DNAAF8: variants seen among roughly 807,000 people sequenced by gnomAD.
The protein encoded by DNAAF8 is dynein axonemal assembly factor 8, also known as dynein axonemal-associated protein 1.
DNAAF8 carries 61 observed loss-of-function variants against 54.6 expected under a neutral mutation model. The ratio of observed to expected loss-of-function variants is 1.12; its 90% confidence interval spans 0.91 to 1.38. DNAAF8 has a LOEUF of 1.38. Among genes scored for constraint, DNAAF8 ranks in the 40% most tolerant of loss-of-function variants. The pLI, the probability that DNAAF8 is intolerant of heterozygous loss-of-function variation, is 0.00. For synonymous variants in DNAAF8, 320 were observed against 270.1 expected (o/e 1.18, Z -1.81); for missense variants, 837 against 665.0 (o/e 1.26, Z -2.85).
chr16:4,746,515 C>T lies in DNAAF8; in HGVS notation c.1181+3C>T. 1 of 1,612,662 alleles carries T rather than the reference C, an allele frequency of 6.2e-7. No individual in the cohort carries two copies. The highest frequency in any genetic ancestry group is 8.5e-7 in the Non-Finnish European group (1 of 1,179,528). ...CCAGACCACCTGTCCCCAGAAAGGT[C>T]CGGAGGGCAGTGACTACCCCATACC... On this transcript the variant is annotated splice_donor_region_variant and intron_variant, in intron 7 of 9. Transcript: ENST00000299320.
chr16:4,735,035 A>T (rs977544035), intron 1 of DNAAF8: 1 of 152,214 alleles, frequency 6.6e-6, no homozygotes, highest in Admixed American at 6.5e-5. Flanking sequence ...GAGCTCCTCA[A>T]CTTGGCGTTC....
rs1391247149 is a variant in DNAAF8, at chr16:4,740,567, A to C, written c.691A>C (p.Lys231Gln). ...GACCAGCAGTGACAAAGGTGGGGTG[A>C]AGGAGGCGCCCTGCCACGCTGCGGA... ...GPTSSDKGGVKEAPCHAAESA... is the reference protein window; with the variant it reads ...GPTSSDKGGVQEAPCHAAESA... Residue 231 changes from lysine to glutamine, a missense_variant, in exon 4 of 10, where the codon AAG becomes CAG. Lys to Gln is a moderately conservative substitution (Grantham distance 53, BLOSUM62 1). Coordinates refer to ENST00000299320, the MANE Select transcript of DNAAF8 (RefSeq NM_139170.3). 6.2e-7 allele frequency: 1 copy of C among 1,613,850 alleles called. No individual in the cohort carries two copies. Among genetic ancestry groups the C allele is most frequent in the African/African-American group, 1.3e-5 (1 of 75,044 alleles).
chr16:4,744,958 G>T lies in DNAAF8; in HGVS notation c.990G>T (p.Arg330=), dbSNP rs1447294658. ...AGTCCAAGGCCTCTGCTTGTGCCCG[G>T]AAGGTGCCTGCCGACACTCCCCAGG... The part of the protein sequence containing the change: ...TTQSKASACA[R]KVPADTPQDT... The change falls in exon 6 of 10, where the codon CGG becomes CGT. Residue 330 remains arginine, a synonymous_variant. Coordinates refer to ENST00000299320, the MANE Select transcript of DNAAF8 (RefSeq NM_139170.3). 2 of 1,613,986 alleles carry T rather than the reference G, an allele frequency of 1.2e-6. No individual in the cohort carries two copies. Among genetic ancestry groups the T allele is most frequent in the East Asian group, 4.5e-5 (2 of 44,880 alleles).
At chr16:4,738,443 T>G (rs778191019) in intron 3 of DNAAF8, among the ~76,000 whole-genome samples, 2 of 152,196 alleles carry the variant, frequency 1.3e-5, no homozygotes, top group Non-Finnish European at 2.9e-5. Context: ...GCACACAAGC[T>G]GGACCTCGTG....
intron 1 of DNAAF8, among the ~76,000 whole-genome samples, chr16:4,736,154 T>G (rs2081896021): frequency 6.6e-6 from 1 of 152,168 alleles, no homozygotes; most frequent in Non-Finnish European, 1.5e-5. Context: ...ACATATGGCA[T>G]TCTATATAAC....
At position 4,740,351 on chromosome 16, in the gene DNAAF8, A is replaced by G; in HGVS notation, c.475A>G (p.Lys159Glu). Reference protein sequence around the residue: ...GDLGSLSFNTKGSQGPPWDPQ... With the variant: ...GDLGSLSFNTEGSQGPPWDPQ... ...CCTTGGAAGCCTGTCTTTCAACACC[A>G]AAGGATCCCAGGGTCCTCCCTGGGA... Residue 159 changes from lysine (K) to glutamate (E), a missense_variant, in exon 4 of 10, where the codon AAA becomes GAA. Coordinates refer to ENST00000299320, the MANE Select transcript of DNAAF8 (RefSeq NM_139170.3). 6.2e-7 allele frequency: 1 copy of G among 1,613,882 alleles called. No homozygotes were observed. Among genetic ancestry groups the G allele is most frequent in the Non-Finnish European group, 8.5e-7 (1 of 1,179,940 alleles).
chr16:4,743,502 A>C, intron 5 of DNAAF8: 1 of 137,324 alleles, frequency 7.3e-6, no homozygotes, highest in Non-Finnish European at 1.5e-5. Context: ...AGGAAGCCCC[A>C]CCTTCTGTGC....
chr16:4,737,535 T>C (rs907101761), intron 2 of DNAAF8, among the ~76,000 whole-genome samples: 1 of 152,178 alleles, frequency 6.6e-6, no homozygotes, highest in African/African-American at 2.4e-5. Flanking sequence ...GCGAGGTACT[T>C]GCAGAACCAG....
chr16:4,742,706 T>A (rs1034392556), intron 4 of DNAAF8, among the ~76,000 whole-genome samples: 4 of 151,942 alleles, frequency 2.6e-5, no homozygotes, highest in African/African-American at 9.7e-5. Context: ...AGCGACAGAG[T>A]GAGACTCGGT....
At position 4,740,278 on chromosome 16, in the gene DNAAF8, C is replaced by T. The variant is rs764410911; in HGVS notation, c.402C>T (p.Ser134=). 32 of 1,613,834 alleles carry T rather than the reference C, an allele frequency of 2.0e-5. No homozygotes were observed. The highest frequency in any genetic ancestry group is 1.2e-4 in the African/African-American group (9 of 74,868). ...CTTTTGAAAGCTCTGGTGAGGTCAGCGCTCTTCTTGGGATGGCCGAGGAGC... is the reference window on the plus strand; with the variant it reads ...CTTTTGAAAGCTCTGGTGAGGTCAGTGCTCTTCTTGGGATGGCCGAGGAGC... The part of the protein sequence containing the change: ...GRPFESSGEV[S]ALLGMAEEPP... Residue 134 remains serine (S), a synonymous_variant, in exon 4 of 10, where the codon AGC becomes AGT. Coordinates refer to ENST00000299320, the MANE Select transcript of DNAAF8 (RefSeq NM_139170.3).
chr16:4,737,711 G>A, intron 2 of DNAAF8, 89 bp from the exon 3 acceptor site: 1 of 1,486,846 alleles, frequency 6.7e-7, no homozygotes, highest in Non-Finnish European at 9.2e-7. Flanking sequence ...GGCTGGAAGT[G>A]AGAGTGGAGA....
chr16:4,737,990 T>C (rs1435724155), intron 3 of DNAAF8, 44 bp downstream of exon 3: 1 of 1,592,522 alleles, frequency 6.3e-7, no homozygotes, highest in Non-Finnish European at 8.6e-7. Context: ...GTGTGCGATG[T>C]TAGTCTAAAC....
At chr16:4,741,715 CT>C (rs1381479913) in intron 4 of DNAAF8, among the ~76,000 whole-genome samples, 1 of 151,964 alleles carries the variant, frequency 6.6e-6, no homozygotes, top group Non-Finnish European at 1.5e-5. Flanking sequence ...AGGAGAATCG[CT>C]TGAACCCAGG....
chr16:4,746,720 C>T, intron 7 of DNAAF8: 1 of 805,380 alleles, frequency 1.2e-6, no homozygotes, highest in Non-Finnish European at 1.9e-6. Flanking sequence ...TCGGGCTGGG[C>T]TCTATGCAAT....
chr16:4,748,429 CAT>C (rs1253844293), intron 9 of DNAAF8: 8 of 152,148 alleles, frequency 5.3e-5, no homozygotes, highest in African/African-American at 1.9e-4. Context: ...GAAAGGCACA[CAT>C]AGATTCTCAA....
chr16:4,743,091 C>G lies in DNAAF8; in HGVS notation c.832C>G (p.Gln278Glu), dbSNP rs753329084. The part of the protein sequence containing the change: ...LDDILQSLAG[Q>E]EDNQGNRAPG... ...TGACATCCTTCAGAGTCTGGCGGGA[C>G]AAGAAGACAACCAGGGAAATCGTGC... Residue 278 changes from glutamine (Q) to glutamate (E), a missense_variant, in exon 5 of 10, where the codon CAA (glutamine) becomes GAA (glutamate). Physicochemically the swap from Gln to Glu is conservative, Grantham distance 29. Coordinates refer to ENST00000299320, the MANE Select transcript of DNAAF8 (RefSeq NM_139170.3). 1.9e-6 allele frequency: 3 copies of G among 1,612,260 alleles called. No individual in the cohort carries two copies. Among genetic ancestry groups the G allele is most frequent in the South Asian group, 2.2e-5 (2 of 90,830 alleles).
chr16:4,737,887 C>T lies in DNAAF8; in HGVS notation c.217C>T (p.Pro73Ser), dbSNP rs748777268. The T allele has an allele frequency of 3.1e-6, 5 of 1,614,082 alleles. No homozygotes were observed. Among genetic ancestry groups the T allele is most frequent in the South Asian group, 1.1e-5 (1 of 91,084 alleles). Reference protein sequence around the residue: ...PDLSEELAEDPADGDKSRAWV... With the variant: ...PDLSEELAEDSADGDKSRAWV... ...CCTGTCGGAGGAGCTGGCTGAAGAT[C>T]CTGCCGATGGCGACAAGTCCAGGGC... The change falls in exon 3 of 10, where the codon CCT (proline) becomes TCT (serine). Residue 73 changes from proline (P) to serine (S), a missense_variant. Pro to Ser is a moderately conservative substitution (Grantham distance 74). Transcript: ENST00000299320.
chr16:4,745,131 A>G, intron 6 of DNAAF8, 120 bp downstream of exon 6: 1 of 1,318,902 alleles, frequency 7.6e-7, no homozygotes, highest in South Asian at 1.4e-5. Context: ...GTCACTCTCA[A>G]GCATCTGATC....
At position 4,736,468 on chromosome 16, in the gene DNAAF8, C is replaced by T. The variant is rs2081902821; in HGVS notation, c.-47C>T. On this transcript the variant is annotated 5_prime_UTR_variant, in exon 2 of 10. Coordinates refer to ENST00000299320, the MANE Select transcript of DNAAF8 (RefSeq NM_139170.3). ...ATCACCCTGTGTACCCCACAGAGCTCCCCGGATTATGGTGCACTGAGAAGG... is the reference window on the plus strand; with the variant it reads ...ATCACCCTGTGTACCCCACAGAGCTTCCCGGATTATGGTGCACTGAGAAGG... 1.4e-6 allele frequency: 2 copies of T among 1,461,914 alleles called. No individual in the cohort carries two copies. Among genetic ancestry groups the T allele is most frequent in the Non-Finnish European group, 1.8e-6 (2 of 1,095,264 alleles). The allele number at this position is 1,461,914 out of a possible 1,614,324, so 90.6% of individuals were successfully genotyped here.
Sources: allele counts gnomAD v4.1 joint callset (sites outside exome capture counted in the v4.1 genomes callset), GRCh38; gene constraint gnomAD v4.1.1; transcripts MANE v1.5; gene names NCBI Gene and HGNC (gene_info 2026-07-23, HGNC 2026-07-21).